The following GPR107 variants were observed in gnomAD, a reference collection of about 807,000 sequenced individuals.
GPR107 encodes G protein-coupled receptor 107.
Under a neutral mutation model 75.5 loss-of-function variants are expected in GPR107, and 31 were observed. That is an observed-to-expected ratio of 0.41 (90% CI 0.31 to 0.55). GPR107 has a LOEUF of 0.55. Among genes scored for constraint, GPR107 ranks in the 20% least tolerant of loss-of-function variants. GPR107 has a pLI of 0.26. For synonymous variants in GPR107, 267 were observed against 251.3 expected, an observed-to-expected ratio of 1.06 and a Z score of -0.59; for missense variants, 572 against 665.7, an observed-to-expected ratio of 0.86 and a Z score of 1.55.
intron 12 of GPR107, among the ~76,000 whole-genome samples, chr9:130,101,655 A>G (rs1315065306): frequency 6.6e-6 from 1 of 152,250 alleles, no homozygotes; most frequent in Non-Finnish European, 1.5e-5. Context: ...GTGAGGGGCA[A>G]ACATTTCCTA....
chr9:130,083,363 A>G (rs1205792337), intron 5 of GPR107: 4 of 376,438 alleles, frequency 1.1e-5, no homozygotes, highest in Admixed American at 4.6e-5. Flanking sequence ...GATACCATTT[A>G]TAATATAACA....
intron 17 of GPR107, among the ~76,000 whole-genome samples, chr9:130,133,909 A>G (rs1831890539): frequency 6.6e-6 from 1 of 152,152 alleles, no homozygotes; most frequent in Non-Finnish European, 1.5e-5. Flanking sequence ...CCCTTACCCC[A>G]TACAAACATT....
At chr9:130,056,036 A>G (rs1829779689) in intron 1 of GPR107, among the ~76,000 whole-genome samples, 1 of 151,376 alleles carries the variant, frequency 6.6e-6, no homozygotes. Context: ...GTTTGTAGGT[A>G]AAAATTATCC....
intron 9 of GPR107, among the ~76,000 whole-genome samples, chr9:130,098,080 G>T (rs929662952): frequency 7.9e-5 from 12 of 151,826 alleles, no homozygotes; most frequent in Admixed American, 6.6e-4. Flanking sequence ...ATGGAGTTTT[G>T]TCATCTTGCC....
Position 130,079,210 on chromosome 9 carries a change from G to A in GPR107, c.387-420G>A, listed in dbSNP as rs112056153. Among the ~76,000 whole-genome samples the A allele has an allele frequency of 7.2e-5, 11 of 152,232 alleles. No individual in the cohort carries two copies. The East Asian group carries it at 1.9e-3, about 27-fold the overall frequency. Reference sequence around the variant, plus strand: ...ATTCCTGACCTCAAGTGATCCACCCGCCTCAGCCTCCCAAAGTGCTGAGAT... The same window carrying A: ...ATTCCTGACCTCAAGTGATCCACCCACCTCAGCCTCCCAAAGTGCTGAGAT... On this transcript the variant is annotated intron_variant, in intron 4 of 17. Transcript: ENST00000347136.
At chr9:130,107,672 G>C in intron 14 of GPR107, 133 bp downstream of exon 14, 1 of 739,280 alleles carries the variant, frequency 1.4e-6, no homozygotes, top group South Asian at 1.4e-5. Flanking sequence ...GGGAGGCCTG[G>C]GGCCCACTTC....
At chr9:130,114,539 T>C in intron 14 of GPR107, 1 of 430,610 alleles carries the variant, frequency 2.3e-6, no homozygotes, top group Non-Finnish European at 4.6e-6. Context: ...TGCACTACCA[T>C]GCCTCACTAA....
Position 130,112,548 on chromosome 9 carries a change from G to C in GPR107, c.1306+5009G>C, listed in dbSNP as rs1831332769. 2.0e-5 allele frequency among the ~76,000 whole-genome samples: 3 copies of C among 152,112 alleles called. No individual in the cohort carries two copies. The highest frequency in any genetic ancestry group is 2.0e-4 in the Admixed American group (3 of 15,270). On this transcript the variant is annotated intron_variant, in intron 14 of 17. Coordinates refer to ENST00000347136, the MANE Select transcript of GPR107 (RefSeq NM_020960.5). The surrounding 1 kb of genome is among the most constrained non-coding windows in gnomAD (Gnocchi z 4.0). ...AAAAAGGCTCATATCACTTAAGAAT[G>C]GTCTTGAAATAATAAAACTGTTGAT...
chr9:130,091,235 C>A (rs1268968171), intron 8 of GPR107, among the ~76,000 whole-genome samples: 2 of 152,010 alleles, frequency 1.3e-5, no homozygotes, highest in Non-Finnish European at 2.9e-5. Flanking sequence ...ATGCCTGTAA[C>A]CCCAGCACTT....
intron 12 of GPR107, among the ~76,000 whole-genome samples, chr9:130,102,947 C>T (rs1831071684): frequency 3.0e-5 from 2 of 66,670 alleles, no homozygotes; most frequent in South Asian, 1.3e-3. Flanking sequence ...TCACACCTGA[C>T]TAATTTTTAA....
In GPR107 at chr9:130,060,402, G is replaced by GTT. The variant is rs11403227; in HGVS notation, c.141+6352_141+6353dup. Reference sequence around the variant, plus strand: ...TAATGGAATAAAAATGATAATCCGAGTTTTTTTTTTTTTTTTTTTTTTTTG... The same window carrying GTT: ...TAATGGAATAAAAATGATAATCCGAGTTTTTTTTTTTTTTTTTTTTTTTTTTG... On this transcript the variant is annotated intron_variant, in intron 1 of 17. Coordinates refer to ENST00000347136, the MANE Select transcript of GPR107 (RefSeq NM_020960.5). 3.0e-3 allele frequency among the ~76,000 whole-genome samples: 227 copies of GTT among 75,872 alleles called. 1 individual carries two copies. Among genetic ancestry groups the GTT allele is most frequent in the South Asian group, 6.5e-3 (12 of 1,846 alleles). The allele number at this position is 75,872 out of a possible 152,430, so 49.8% of individuals were successfully genotyped here.
intron 12 of GPR107, among the ~76,000 whole-genome samples, chr9:130,102,396 C>A (rs867299203): frequency 6.6e-6 from 1 of 152,180 alleles, no homozygotes; most frequent in Admixed American, 6.5e-5. Context: ...AGTCTCCCCC[C>A]ACCAGCCTGA....
rs1452911561 is a variant in GPR107 at position 130,062,530 on chromosome 9, A to G, written c.141+8457A>G. ...GTTTATTAAATACCTACTATGTGCT[A>G]GGCACTAGAGATATACAAATGAGAC... On this transcript the variant is annotated intron_variant, in intron 1 of 17. Coordinates refer to ENST00000347136, the MANE Select transcript of GPR107 (RefSeq NM_020960.5). Among the ~76,000 whole-genome samples, 2 of 151,868 alleles carry G rather than the reference A, an allele frequency of 1.3e-5. 1 individual carries two copies. The highest frequency in any genetic ancestry group is 2.9e-5 in the Non-Finnish European group (2 of 67,972).
At chr9:130,066,743 T>C (rs954482017) in intron 1 of GPR107, among the ~76,000 whole-genome samples, 2 of 152,050 alleles carry the variant, frequency 1.3e-5, no homozygotes, top group Non-Finnish European at 2.9e-5. Context: ...CCCAGCACTT[T>C]GGGAGGCCGA....
intron 13 of GPR107, among the ~76,000 whole-genome samples, chr9:130,107,011 A>G (rs2132619307): frequency 6.6e-6 from 1 of 152,252 alleles, no homozygotes; most frequent in Non-Finnish European, 1.5e-5. Context: ...GTGTCCCTGG[A>G]GGCTGGCATT....
chr9:130,062,643 TG>T (rs1829957370), intron 1 of GPR107, among the ~76,000 whole-genome samples: 2 of 75,394 alleles, frequency 2.7e-5, no homozygotes, highest in African/African-American at 4.7e-5. Context: ...CCTGCCTGCC[TG>T]CCTGCCTGCC....
chr9:130,110,892 A>G (rs550045812), intron 14 of GPR107, among the ~76,000 whole-genome samples: 107 of 152,336 alleles, frequency 7.0e-4, no homozygotes, highest in African/African-American at 2.5e-3. Flanking sequence ...GCTACAGGCA[A>G]TAATGTCTCC....
At position 130,127,694 on chromosome 9, in the gene GPR107, T is replaced by A. The variant is rs190628574; in HGVS notation, c.1440+128T>A. 747 of 607,482 alleles carry A rather than the reference T, an allele frequency of 1.2e-3. 9 individuals carry two copies. The African/African-American group carries it at 0.013, about 10-fold the overall frequency. 37.6% of individuals were successfully genotyped at this position (607,482 alleles called of 1,614,324 possible). ...AAGACCTTCCATCTCTTCTTTTTTT[T>A]AACTAAAAATTTTTTTTTTAGTTTT... On this transcript the variant is annotated intron_variant, in intron 16 of 17. Coordinates refer to ENST00000347136, the MANE Select transcript of GPR107 (RefSeq NM_020960.5).
intron 17 of GPR107, among the ~76,000 whole-genome samples, chr9:130,130,255 G>A (rs931198073): frequency 5.9e-5 from 9 of 152,298 alleles, no homozygotes; most frequent in Admixed American, 2.6e-4. Flanking sequence ...AAAAAGTATC[G>A]GATGCGATTT....
Sources: gnomAD v4.1 joint callset for allele counts (sites outside exome capture counted in the v4.1 genomes callset) on GRCh38, gnomAD v4.1.1 for gene constraint, Gnocchi (gnomAD v3.1) non-coding constraint, MANE v1.5 for transcripts, NCBI Gene and HGNC (gene_info 2026-07-23, HGNC 2026-07-21) for gene names.